Variants in FMNL2 observed in about 807,000 individuals in gnomAD.
FMNL2 encodes formin-like protein 2.
A neutral mutation model predicts 130.2 loss-of-function variants in FMNL2; 51 were observed. That is an observed-to-expected ratio of 0.39 (90% CI 0.31 to 0.49). FMNL2 has a LOEUF of 0.49. FMNL2 is among the 20% of genes least tolerant of loss of function. FMNL2 has a pLI of 0.85. For missense variants in FMNL2, 977 were observed against 1,316.2 expected (o/e 0.74, Z 3.99); for synonymous variants, 465 against 467.1 (o/e 1.00, Z 0.06).
intron 2 of FMNL2, among the ~76,000 whole-genome samples, chr2:152,525,115 C>T (rs1475074214): frequency 6.6e-6 from 1 of 152,170 alleles, no homozygotes; most frequent in Non-Finnish European, 1.5e-5. Context: ...GAAACGAGAA[C>T]ATCTGTTTCC....
chr2:152,568,136 G>C (rs1366269792), intron 6 of FMNL2, among the ~76,000 whole-genome samples: 14 of 151,932 alleles, frequency 9.2e-5, no homozygotes, highest in Non-Finnish European at 2.9e-5. Flanking sequence ...CTAGAAATAA[G>C]TGTATATTGT....
At chr2:152,344,034 A>G (rs1487712566) in intron 1 of FMNL2, among the ~76,000 whole-genome samples, 4 of 152,086 alleles carry the variant, frequency 2.6e-5, no homozygotes, top group Non-Finnish European at 5.9e-5. Flanking sequence ...GCCTGTAGTC[A>G]CAGCTTACCT....
At chr2:152,520,774 G>A (rs1693046853) in intron 1 of FMNL2, among the ~76,000 whole-genome samples, 1 of 152,100 alleles carries the variant, frequency 6.6e-6, no homozygotes, top group African/African-American at 2.4e-5. Context: ...CTATCATTAA[G>A]TCAGGACAGC....
chr2:152,615,519 C>T (rs6715576), intron 12 of FMNL2, among the ~76,000 whole-genome samples: 2,708 of 152,234 alleles, frequency 0.018, 82 homozygotes, highest in African/African-American at 0.062. Flanking sequence ...CTCATATATC[C>T]TGTTCTTTGA....
chr2:152,638,045 G>A (rs1682769947), intron 23 of FMNL2, among the ~76,000 whole-genome samples: 1 of 152,182 alleles, frequency 6.6e-6, no homozygotes, highest in South Asian at 2.1e-4. Flanking sequence ...TGGTGAAGGT[G>A]CATGATACAG....
intron 2 of FMNL2, among the ~76,000 whole-genome samples, chr2:152,531,356 G>T (rs1332732310): frequency 2.0e-5 from 3 of 152,142 alleles, no homozygotes; most frequent in Non-Finnish European, 2.9e-5. Flanking sequence ...GACCATGTGG[G>T]TCACAGATTG....
chr2:152,569,894 T>G (rs1436523793), intron 6 of FMNL2, among the ~76,000 whole-genome samples: 2 of 151,184 alleles, frequency 1.3e-5, no homozygotes, highest in Non-Finnish European at 2.9e-5. Context: ...GCCTGTAATC[T>G]CAGCTACTTG....
chr2:152,545,323 T>C (rs1347722441), intron 3 of FMNL2, among the ~76,000 whole-genome samples: 1 of 152,220 alleles, frequency 6.6e-6, no homozygotes, highest in East Asian at 1.9e-4. Context: ...CAGTCTAGGT[T>C]GGGCAGTTTT....
At chr2:152,646,780 G>A (rs1401917701) in intron 25 of FMNL2, among the ~76,000 whole-genome samples, 3 of 152,202 alleles carry the variant, frequency 2.0e-5, no homozygotes, top group Non-Finnish European at 2.9e-5. Flanking sequence ...TGAAAGGGAA[G>A]TAAATACTAA....
chr2:152,350,240 A>G (rs1682400229), intron 1 of FMNL2, among the ~76,000 whole-genome samples: 1 of 152,130 alleles, frequency 6.6e-6, no homozygotes, highest in African/African-American at 2.4e-5. Flanking sequence ...GTTCAGGAGC[A>G]GTTTCCAGGG....
At chr2:152,534,656 G>A (rs1015348680) in intron 2 of FMNL2, among the ~76,000 whole-genome samples, 1 of 150,918 alleles carries the variant, frequency 6.6e-6, no homozygotes, top group Non-Finnish European at 1.5e-5. Context: ...CCATCTCTGG[G>A]GACTCTGAAA....
At chr2:152,413,957 CTG>C (rs1269604633) in intron 1 of FMNL2, among the ~76,000 whole-genome samples, 1 of 152,210 alleles carries the variant, frequency 6.6e-6, no homozygotes, top group Non-Finnish European at 1.5e-5. Context: ...TTCTTCCTCA[CTG>C]TCTTTGTCCA....
chr2:152,502,071 G>A (rs982989261), intron 1 of FMNL2, among the ~76,000 whole-genome samples: 4 of 152,134 alleles, frequency 2.6e-5, no homozygotes, highest in African/African-American at 9.7e-5. Context: ...CTTGTTCTTC[G>A]TGCGAGTCTA....
intron 1 of FMNL2, among the ~76,000 whole-genome samples, chr2:152,452,761 G>C (rs796423781): frequency 2.0e-4 from 31 of 152,234 alleles, no homozygotes; most frequent in African/African-American, 7.5e-4. Context: ...CCTTTGTCGA[G>C]GGCCCGATGG....
rs759058159 is a variant in FMNL2 at position 152,617,192 on chromosome 2, G to T, written c.1314G>T (p.Arg438=). 5.0e-6 allele frequency: 8 copies of T among 1,613,736 alleles called. No individual in the cohort carries two copies. The highest frequency in any genetic ancestry group is 4.0e-5 in the African/African-American group (3 of 74,910). The change falls in exon 13 of 26, where the codon CGG becomes CGT. Residue 438 remains arginine (R), a splice_region_variant and synonymous_variant. Transcript: ENST00000288670. ...MQRNKELDVV[R]EIYKDANTQV... ...GGAACAAGGAGCTGGATGTCGTTCG[G>T]GTAAGTGTAATGATGACAACTGCCC... is the stretch of plus-strand genomic sequence containing the variant.
At chr2:152,643,348 G>T (rs1683258686) in intron 25 of FMNL2, 2 of 1,529,774 alleles carry the variant, frequency 1.3e-6, no homozygotes, top group South Asian at 2.4e-5. Flanking sequence ...CACTAACCAT[G>T]TACTAATGCA....
chr2:152,578,438 T>C (rs16831392), intron 7 of FMNL2, among the ~76,000 whole-genome samples: 1 of 152,068 alleles, frequency 6.6e-6, no homozygotes, highest in South Asian at 2.1e-4. Context: ...TCGGAGTAAA[T>C]GTTTTGTTTA....
chr2:152,335,557 G>T lies in FMNL2; in HGVS notation c.-47G>T. 6.7e-7 allele frequency: 1 copy of T among 1,503,174 alleles called. No individual in the cohort carries two copies. The highest frequency in any genetic ancestry group is 9.0e-7 in the Non-Finnish European group (1 of 1,107,972). 93.1% of individuals were successfully genotyped at this position (1,503,174 alleles called of 1,614,324 possible). On this transcript the variant is annotated 5_prime_UTR_variant, in exon 1 of 26. Coordinates refer to ENST00000288670, the MANE Select transcript of FMNL2 (RefSeq NM_052905.4). ...CGGGAGCTGTTCTGATTTCCGACGC[G>T]CACGCTAGGGGCCCGGAGCAGCCCC...
chr2:152,631,914 G>C, intron 20 of FMNL2, 94 bp from the exon 21 acceptor site: 1 of 1,398,328 alleles, frequency 7.2e-7, no homozygotes, highest in Non-Finnish European at 9.6e-7. Context: ...CTGTTACTCA[G>C]TTAATGACTC....
Sources: gnomAD v4.1 joint callset for allele counts (sites outside exome capture counted in the v4.1 genomes callset) on GRCh38, gnomAD v4.1.1 for gene constraint, MANE v1.5 for transcripts, NCBI Gene and HGNC (gene_info 2026-07-23, HGNC 2026-07-21) for gene names.